CLEC16A: variants seen among roughly 807,000 people sequenced by gnomAD.
The protein encoded by CLEC16A is C-type lectin domain containing 16A.
A neutral mutation model predicts 109.5 loss-of-function variants in CLEC16A; 51 were observed. The ratio of observed to expected loss-of-function variants is 0.47; its 90% CI spans 0.37 to 0.59. CLEC16A has a LOEUF of 0.59. Among genes scored for constraint, CLEC16A ranks in the 20% least tolerant of loss-of-function variants. The pLI is 0.00. For missense variants in CLEC16A, 1,339 were observed against 1,394.0 expected (o/e 0.96, Z 0.63); for synonymous variants, 673 against 564.2 (o/e 1.19, Z -2.73).
At chr16:11,172,694 G>A (rs970452998) in intron 23 of CLEC16A, among the ~76,000 whole-genome samples, 11 of 152,116 alleles carry the variant, frequency 7.2e-5, no homozygotes, top group Non-Finnish European at 1.3e-4. Flanking sequence ...TTCGAGACCA[G>A]CCTGGCCAAC....
rs536862590 is a variant in CLEC16A, at chr16:11,020,102, T to C, written c.1304-91T>C. 7.3e-5 allele frequency: 104 copies of C among 1,430,420 alleles called. No individual in the cohort carries two copies. In the African/African-American group the frequency reaches 1.3e-3, roughly 18 times the overall value. 88.6% of individuals were successfully genotyped at this position (1,430,420 alleles called of 1,614,324 possible). On this transcript the variant is annotated intron_variant, in intron 11 of 23. Coordinates refer to ENST00000409790, the MANE Select transcript of CLEC16A (RefSeq NM_015226.3). ...TGTGCTTGATGTGTTTGGAGTCATT[T>C]ATGCATATTTATTCTCCAACATGAG...
intron 22 of CLEC16A, among the ~76,000 whole-genome samples, chr16:11,165,403 G>T (rs778545808): frequency 1.5e-4 from 23 of 152,084 alleles, no homozygotes; most frequent in Non-Finnish European, 2.6e-4. Flanking sequence ...GAGGCAGGAA[G>T]ATCACTTGAG....
At chr16:10,991,595 G>A (rs1324724812) in intron 10 of CLEC16A, among the ~76,000 whole-genome samples, 2 of 152,228 alleles carry the variant, frequency 1.3e-5, no homozygotes, top group Non-Finnish European at 2.9e-5. Context: ...TGCCATTGGA[G>A]GACTCAGGAG....
intron 22 of CLEC16A, among the ~76,000 whole-genome samples, chr16:11,133,353 A>ATTTTT (rs576281033): frequency 6.7e-6 from 1 of 149,210 alleles, no homozygotes; most frequent in African/African-American, 2.5e-5. Context: ...AAAAAAAAAA[A>ATTTTT]TTTTTTTTTT....
At chr16:11,029,343 G>C (rs1023362427) in intron 13 of CLEC16A, among the ~76,000 whole-genome samples, 1 of 152,076 alleles carries the variant, frequency 6.6e-6, no homozygotes, top group African/African-American at 2.4e-5. Context: ...TGCATGCACA[G>C]ACCAGAACAC....
At chr16:11,157,325 G>T (rs1372734508) in intron 22 of CLEC16A, 2 of 904,498 alleles carry the variant, frequency 2.2e-6, no homozygotes, top group Non-Finnish European at 2.9e-6. Flanking sequence ...TTCCCCAGGT[G>T]CCTGATGTGT....
chr16:10,997,062 A>G (rs2044372201), intron 10 of CLEC16A, among the ~76,000 whole-genome samples: 1 of 152,204 alleles, frequency 6.6e-6, no homozygotes, highest in Admixed American at 6.5e-5. Flanking sequence ...TCTGGGCTCA[A>G]GTGATCTTCC....
At chr16:11,017,287 G>C (rs2045817449) in intron 11 of CLEC16A, among the ~76,000 whole-genome samples, 1 of 152,180 alleles carries the variant, frequency 6.6e-6, no homozygotes, top group African/African-American at 2.4e-5. Flanking sequence ...CCAGACACTG[G>C]ATTAGACAGT....
chr16:11,091,708 T>G (rs11863555), intron 19 of CLEC16A, among the ~76,000 whole-genome samples: 69 of 152,298 alleles, frequency 4.5e-4, no homozygotes, highest in African/African-American at 1.4e-3. Context: ...TGAGGAAAAT[T>G]GTCAGGAAAG....
chr16:11,027,160 G>A (rs547122760), intron 13 of CLEC16A: 57 of 1,428,564 alleles, frequency 4.0e-5, no homozygotes, highest in Non-Finnish European at 5.0e-5. Context: ...AAAGGAAAAG[G>A]GCTCAGGTTT....
chr16:11,028,746 A>G (rs1418642302), intron 13 of CLEC16A, among the ~76,000 whole-genome samples: 17 of 152,232 alleles, frequency 1.1e-4, no homozygotes, highest in Admixed American at 1.1e-3. Context: ...CAGTTTCATT[A>G]TCAGAAAAAT....
intron 13 of CLEC16A, among the ~76,000 whole-genome samples, chr16:11,038,826 A>T (rs1210679666): frequency 6.6e-6 from 1 of 152,116 alleles, no homozygotes. Context: ...GTGCCAACCT[A>T]ATATGTGCAC....
At position 10,977,225 on chromosome 16, in the gene CLEC16A, G is replaced by A. The variant is rs1336591718; in HGVS notation, c.729G>A (p.Glu243=). The A allele has an allele frequency of 5.6e-6, 9 of 1,612,994 alleles. No homozygotes were observed. The highest frequency in any genetic ancestry group is 7.6e-6 in the Non-Finnish European group (9 of 1,179,496). ...ELDDCVQTDE[E]HRNRGKLSDL... Reference sequence around the variant, plus strand: ...CTGAGGTGGTCATTTCTCCTGGCAGGCATCGGAATCGGGGTAAACTGAGTG... The same window carrying A: ...CTGAGGTGGTCATTTCTCCTGGCAGACATCGGAATCGGGGTAAACTGAGTG... The change falls in exon 8 of 24, where the codon GAG becomes GAA. Residue 243 remains glutamate (E), a splice_region_variant and synonymous_variant. Transcript: ENST00000409790.
At chr16:10,994,166 G>A (rs1039678266) in intron 10 of CLEC16A, among the ~76,000 whole-genome samples, 1 of 152,162 alleles carries the variant, frequency 6.6e-6, no homozygotes, top group Admixed American at 6.5e-5. Context: ...GAAGAATGCC[G>A]TGTTCTCCTT....
intron 23 of CLEC16A, among the ~76,000 whole-genome samples, chr16:11,168,371 T>C (rs1223839972): frequency 6.6e-6 from 1 of 152,172 alleles, no homozygotes; most frequent in East Asian, 1.9e-4. Context: ...GCAGTTCCAG[T>C]CAATAAGTGA....
intron 10 of CLEC16A, among the ~76,000 whole-genome samples, chr16:11,001,996 G>A (rs1007511105): frequency 6.6e-6 from 1 of 152,186 alleles, no homozygotes; most frequent in African/African-American, 2.4e-5. Flanking sequence ...ATTGCCTGTA[G>A]TGATAGTTTT....
At chr16:10,987,975 T>C (rs2043774527) in intron 10 of CLEC16A, among the ~76,000 whole-genome samples, 1 of 152,228 alleles carries the variant, frequency 6.6e-6, no homozygotes, top group African/African-American at 2.4e-5. Context: ...TAGGGTTAAA[T>C]GGAAAACACA....
At chr16:11,090,667 G>A (rs945691914) in intron 19 of CLEC16A, among the ~76,000 whole-genome samples, 10 of 152,064 alleles carry the variant, frequency 6.6e-5, no homozygotes, top group African/African-American at 2.4e-4. Flanking sequence ...GTTTTTGAGA[G>A]AGAGTCTCGC....
intron 22 of CLEC16A, among the ~76,000 whole-genome samples, chr16:11,161,896 G>A (rs938860214): frequency 1.3e-5 from 2 of 152,336 alleles, no homozygotes; most frequent in South Asian, 2.1e-4. Flanking sequence ...GCCCCTAGGC[G>A]GCTGCTGGCC....
Sources: gnomAD v4.1 joint callset for allele counts (sites outside exome capture counted in the v4.1 genomes callset) on GRCh38, gnomAD v4.1.1 for gene constraint, MANE v1.5 for transcripts, NCBI Gene and HGNC (gene_info 2026-07-23, HGNC 2026-07-21) for gene names.